Variants in MTCL1 observed in about 807,000 individuals in gnomAD.
MTCL1 encodes microtubule cross-linking factor 1.
A neutral mutation model predicts 141.4 loss-of-function variants in MTCL1; 79 were observed. The observed-to-expected ratio is 0.56, with a 90% confidence interval of 0.47 to 0.67. The LOEUF (loss-of-function observed/expected upper bound fraction) is 0.67. MTCL1 is among the 30% of genes least tolerant of loss of function. The pLI is 0.00. For missense variants in MTCL1, 2,177 were observed against 2,113.9 expected (o/e 1.03, Z -0.59); for synonymous variants, 914 against 875.8 (o/e 1.04, Z -0.77).
intron 4 of MTCL1, among the ~76,000 whole-genome samples, chr18:8,742,423 C>T (rs2096309551): frequency 6.6e-6 from 1 of 152,112 alleles, no homozygotes; most frequent in African/African-American, 2.4e-5. Flanking sequence ...CTGGGGAGGC[C>T]TTAGGAAACT....
At chr18:8,805,159 A>G (rs924933894) in intron 10 of MTCL1, among the ~76,000 whole-genome samples, 1 of 150,818 alleles carries the variant, frequency 6.6e-6, no homozygotes, top group Non-Finnish European at 1.5e-5. Flanking sequence ...GGTTTATTAT[A>G]TGGTATATTG....
At position 8,830,862 on chromosome 18, in the gene MTCL1, G is replaced by A; in HGVS notation, c.*19-745G>A. The A allele has an allele frequency of 7.1e-6, 7 of 985,444 alleles. No homozygotes were observed. The highest frequency in any genetic ancestry group is 8.4e-6 in the Non-Finnish European group (7 of 829,936). The allele number at this position is 985,444 out of a possible 1,614,324, so 61.0% of individuals were successfully genotyped here. A position where few individuals can be genotyped will look rare whatever the true frequency, so the allele number is the denominator to read the frequency against. On this transcript the variant is annotated intron_variant, in intron 16 of 16. Coordinates refer to ENST00000359865, the Ensembl canonical transcript of MTCL1. This position sits in a 1 kb window ranked among gnomAD's most constrained non-coding sequence, Gnocchi z 6.4. ...TAAAAACAAAGTAGCTTGAGAATAA[G>A]GATTCTAGGTGATTTGCACATGGTT...
At chr18:8,825,153 C>T in exon 15 of MTCL1, 31 of 1,582,920 alleles carry the variant, frequency 2.0e-5, no homozygotes, top group Non-Finnish European at 2.6e-5. Flanking sequence ...GGGTCCCTTT[C>T]CCACAAGCAG....
At chr18:8,772,382 C>CT (rs144962051) in intron 4 of MTCL1, among the ~76,000 whole-genome samples, 84 of 152,246 alleles carry the variant, frequency 5.5e-4, no homozygotes, top group African/African-American at 2.0e-3. Flanking sequence ...AGTCTCTTTT[C>CT]TCTGACGTCT....
At chr18:8,753,107 G>A (rs958563311) in intron 4 of MTCL1, among the ~76,000 whole-genome samples, 4 of 152,148 alleles carry the variant, frequency 2.6e-5, no homozygotes, top group African/African-American at 4.8e-5. Flanking sequence ...AAATAATCCC[G>A]AACTTCTGGC....
intron 14 of MTCL1, among the ~76,000 whole-genome samples, chr18:8,823,828 C>T (rs1485505853): frequency 6.6e-6 from 1 of 152,202 alleles, no homozygotes; most frequent in Non-Finnish European, 1.5e-5. Flanking sequence ...TTGCTCAGAG[C>T]AGACCCCAAT....
intron 7 of MTCL1, chr18:8,789,610 T>C (rs1199642466): frequency 2.0e-6 from 2 of 985,230 alleles, no homozygotes; most frequent in African/African-American, 3.5e-5. Flanking sequence ...ATGGTTACAA[T>C]TGTCAAGACT....
exon 6 of MTCL1, chr18:8,784,288 C>A (rs1366001319): frequency 1.3e-6 from 2 of 1,587,094 alleles, no homozygotes; most frequent in South Asian, 2.3e-5. Context: ...GTGATGCGGG[C>A]AAGAAGGAGA....
chr18:8,817,801 A>G (rs1205908318), intron 12 of MTCL1, among the ~76,000 whole-genome samples: 1 of 152,222 alleles, frequency 6.6e-6, no homozygotes, highest in Non-Finnish European at 1.5e-5. Context: ...AGAGCAGTCA[A>G]TCCAGTAGTG....
At chr18:8,784,955 A>G (rs2096546255) in intron 6 of MTCL1, 112 bp downstream of exon 5, 6 of 998,704 alleles carry the variant, frequency 6.0e-6, no homozygotes, top group Non-Finnish European at 8.5e-6. Flanking sequence ...ATGATTTCAA[A>G]CCTGCATTGT....
rs78508234 is a variant in MTCL1 at position 8,724,959 on chromosome 18, A to G, written c.357+4463A>G. On this transcript the variant is annotated intron_variant, in intron 4 of 16. Coordinates refer to ENST00000359865, the Ensembl canonical transcript of MTCL1. ...CCTCTGCTTGTACAAAACTCAAACA[A>G]TTTTCATCTTTTTTTTTTTTTCTGA... 2.3e-3 allele frequency among the ~76,000 whole-genome samples: 283 copies of G among 121,774 alleles called. 2 individuals are homozygous for G. Among genetic ancestry groups the G allele is most frequent in the African/African-American group, 0.011 (271 of 25,026 alleles). 79.9% of individuals were successfully genotyped at this position (121,774 alleles called of 152,430 possible). A position where few individuals can be genotyped will look rare whatever the true frequency, so the allele number is the denominator to read the frequency against.
chr18:8,770,139 G>GAGGGT (rs2096478991), intron 4 of MTCL1, among the ~76,000 whole-genome samples: 1 of 152,202 alleles, frequency 6.6e-6, no homozygotes, highest in Non-Finnish European at 1.5e-5. Context: ...TGAGGGCTGT[G>GAGGGT]ACCTTGAATG....
intron 4 of MTCL1, among the ~76,000 whole-genome samples, chr18:8,742,237 C>A (rs1398872160): frequency 6.6e-6 from 1 of 152,128 alleles, no homozygotes; most frequent in East Asian, 1.9e-4. Flanking sequence ...GCGTGAGATA[C>A]CTGTCTCCAA....
intron 6 of MTCL1, 93 bp downstream of exon 5, chr18:8,784,936 T>G: frequency 8.5e-7 from 1 of 1,170,592 alleles, no homozygotes; most frequent in Non-Finnish European, 1.2e-6. Flanking sequence ...TGCTCACGGC[T>G]GCTTGGTTAT....
At chr18:8,792,527 A>C (rs1396164070) in intron 7 of MTCL1, among the ~76,000 whole-genome samples, 2 of 147,450 alleles carry the variant, frequency 1.4e-5, no homozygotes, top group East Asian at 4.1e-4. Context: ...GAAAAACTCT[A>C]ATAAGAAAGC....
intron 15 of MTCL1, among the ~76,000 whole-genome samples, chr18:8,827,603 G>A (rs1378037015): frequency 2.6e-5 from 4 of 152,170 alleles, no homozygotes; most frequent in Non-Finnish European, 5.9e-5. Context: ...TCCTTCTGGG[G>A]TCCTCAGGTA....
At chr18:8,728,108 T>G (rs2096228176) in intron 4 of MTCL1, among the ~76,000 whole-genome samples, 1 of 152,232 alleles carries the variant, frequency 6.6e-6, no homozygotes. Context: ...AATCTTGTCT[T>G]TCATATGTTT....
At chr18:8,707,970 A>G (rs989153585) in intron 1 of MTCL1, among the ~76,000 whole-genome samples, 1 of 152,250 alleles carries the variant, frequency 6.6e-6, no homozygotes, top group African/African-American at 2.4e-5. Context: ...AGGCAGAGAA[A>G]GAGAGGTGAT....
chr18:8,813,253 C>T lies in MTCL1; in HGVS notation c.2859+20C>T, dbSNP rs1396523215. On this transcript the variant is annotated intron_variant, in intron 12 of 16. Transcript: ENST00000359865. ...GAGCAGGTAAGGAGGCACCCCGGGG[C>T]CCTGGAGCATAGGCACAGAGTGTAG... 14 of 1,605,818 alleles carry T rather than the reference C, an allele frequency of 8.7e-6. No homozygotes were observed. Among genetic ancestry groups the T allele is most frequent in the Admixed American group, 1.7e-5 (1 of 58,966 alleles).
Sources: allele counts gnomAD v4.1 joint callset (sites outside exome capture counted in the v4.1 genomes callset), GRCh38; gene constraint gnomAD v4.1.1; non-coding constraint Gnocchi (gnomAD v3.1); transcripts MANE v1.5; gene names NCBI Gene and HGNC (gene_info 2026-07-23, HGNC 2026-07-21).